The following PCARE variants were observed in gnomAD, a reference collection of about 807,000 sequenced individuals.
PCARE encodes the protein photoreceptor cilium actin regulator, also known as uncharacterized protein C2orf71.
Under a neutral mutation model 82.2 loss-of-function variants are expected in PCARE, and 72 were observed. The observed-to-expected ratio is 0.88, with a 90% CI of 0.72 to 1.07. The LOEUF (loss-of-function observed/expected upper bound fraction) is 1.07. Among genes scored for constraint, PCARE ranks in the 50% least tolerant of loss-of-function variants. The pLI is 0.00. For missense variants in PCARE, 1,768 were observed against 1,592.4 expected (o/e 1.11, Z -1.88); for synonymous variants, 705 against 634.8 (o/e 1.11, Z -1.66).
chr2:29,072,603 C>T lies in PCARE; in HGVS notation c.1659G>A (p.Lys553=). The part of the protein sequence containing the change: ...KMKESISERI[K]FVPVPCGHQD... ...GGTGCCCACAGGGCACAGGGACAAA[C>T]TTGATCCTTTCGCTGATTGACTCCT... is the stretch of plus-strand genomic sequence containing the variant. Residue 553 remains lysine (K), a synonymous_variant, in exon 1 of 2, where the codon AAG becomes AAA. Coordinates refer to ENST00000331664, the MANE Select transcript of PCARE (RefSeq NM_001029883.3). The T allele has an allele frequency of 6.2e-7, 1 of 1,614,184 alleles. No homozygotes were observed. Among genetic ancestry groups the T allele is most frequent in the East Asian group, 2.2e-5 (1 of 44,876 alleles).
Position 29,073,961 on chromosome 2 carries a change from A to C in PCARE, c.301T>G (p.Ser101Ala). The change falls in exon 1 of 2, where the codon TCC becomes GCC. Residue 101 changes from serine (S) to alanine (A), a missense_variant. By Grantham distance (99) the Ser-to-Ala change is moderately conservative. Coordinates refer to ENST00000331664, the MANE Select transcript of PCARE (RefSeq NM_001029883.3). The stretch of plus-strand genomic sequence containing the variant: ...TGGCTTTGTGATTTGTTCAGCTGGG[A>C]TGAAGAGGTTTTGGTTCCTGGGATC... ...GLIPGTKTSS[S>A]QLNKSQSHMA... The C allele has an allele frequency of 6.2e-7, 1 of 1,614,204 alleles. No individual in the cohort carries two copies. Among genetic ancestry groups the C allele is most frequent in the African/African-American group, 1.3e-5 (1 of 75,036 alleles).
Position 29,072,039 on chromosome 2 carries a change from C to G in PCARE, c.2223G>C (p.Thr741=). Residue 741 remains threonine, a synonymous_variant, in exon 1 of 2, where the codon ACG becomes ACC. Coordinates refer to ENST00000331664, the MANE Select transcript of PCARE (RefSeq NM_001029883.3). The part of the protein sequence containing the change: ...VKKLIETFSP[T]ESLRMLGDSK... ...AGTCCCCCAGCATCCTCAGACTCTC[C>G]GTGGGACTGAAAGTTTCAATAAGCT... The G allele has an allele frequency of 6.2e-7, 1 of 1,614,188 alleles. No homozygotes were observed. Among genetic ancestry groups the G allele is most frequent in the Non-Finnish European group, 8.5e-7 (1 of 1,180,030 alleles).
Sources: allele counts gnomAD v4.1 joint callset, GRCh38; gene constraint gnomAD v4.1.1; transcripts MANE v1.5; gene names NCBI Gene and HGNC (gene_info 2026-07-23, HGNC 2026-07-21).